Variants in SGCZ observed in about 807,000 individuals in gnomAD.
SGCZ encodes the protein zeta-sarcoglycan.
In SGCZ, 40 loss-of-function variants were observed where a neutral mutation model predicts 41.3. The ratio of observed to expected loss-of-function variants is 0.97; its 90% CI spans 0.75 to 1.26. The LOEUF (loss-of-function observed/expected upper bound fraction) is 1.26. Ranked by LOEUF, SGCZ falls within the 50% of genes most tolerant of loss-of-function variation. SGCZ has a pLI of 0.00. For synonymous variants in SGCZ, 206 were observed against 137.5 expected (o/e 1.50, Z -3.49); for missense variants, 552 against 369.8 (o/e 1.49, Z -4.04).
chr8:14,373,527 G>A (rs1360312080), intron 2 of SGCZ, among the ~76,000 whole-genome samples: 1 of 152,048 alleles, frequency 6.6e-6, no homozygotes, highest in African/African-American at 2.4e-5. Flanking sequence ...AAAATTATTA[G>A]GTTCAATCAG....
At chr8:14,954,986 G>A (rs1800749157) in intron 1 of SGCZ, among the ~76,000 whole-genome samples, 3 of 152,034 alleles carry the variant, frequency 2.0e-5, no homozygotes, top group Admixed American at 6.6e-5. Context: ...AATCAAATAA[G>A]ATATAGGACA....
At chr8:14,794,934 G>C (rs1801076354) in intron 1 of SGCZ, among the ~76,000 whole-genome samples, 1 of 152,156 alleles carries the variant, frequency 6.6e-6, no homozygotes, top group Non-Finnish European at 1.5e-5. Context: ...AGTATGTCCA[G>C]ATAAATTATC....
rs1441943 is a variant in SGCZ, at chr8:14,756,925, T to C, written c.40-201999A>G. Among the ~76,000 whole-genome samples the C allele has an allele frequency of 5.0e-3, 766 of 152,344 alleles. 12 individuals carry two copies. Among genetic ancestry groups the C allele is most frequent in the African/African-American group, 0.017 (711 of 41,566 alleles). On this transcript the variant is annotated intron_variant, in intron 1 of 7. Coordinates refer to ENST00000382080, the MANE Select transcript of SGCZ (RefSeq NM_139167.4). ...GAAATGAAAGAACAAATGGTGCTAT[T>C]ATAATCTTGTAAAAACGGCAGAATA...
chr8:14,407,307 G>A (rs1222103086), intron 2 of SGCZ, among the ~76,000 whole-genome samples: 1 of 151,884 alleles, frequency 6.6e-6, no homozygotes, highest in African/African-American at 2.4e-5. Flanking sequence ...GACCTCAAGC[G>A]ATCCAAGGTT....
intron 1 of SGCZ, among the ~76,000 whole-genome samples, chr8:14,969,500 C>T (rs1801225268): frequency 6.6e-6 from 1 of 151,982 alleles, no homozygotes; most frequent in South Asian, 2.1e-4. Context: ...TTCTCTTTTT[C>T]CTTCTTAACT....
chr8:14,657,989 T>C (rs1807629079), intron 1 of SGCZ, among the ~76,000 whole-genome samples: 1 of 152,156 alleles, frequency 6.6e-6, no homozygotes, highest in Non-Finnish European at 1.5e-5. Flanking sequence ...CCCTGAAGAA[T>C]GTATAATCTA....
chr8:14,583,322 T>G (rs1804955670), intron 1 of SGCZ, among the ~76,000 whole-genome samples: 1 of 152,148 alleles, frequency 6.6e-6, no homozygotes, highest in African/African-American at 2.4e-5. Context: ...GAGAAGTGTC[T>G]GTTCATGTCC....
intron 5 of SGCZ, among the ~76,000 whole-genome samples, chr8:14,136,173 G>A (rs140138867): frequency 1.7e-4 from 26 of 152,054 alleles, no homozygotes; most frequent in African/African-American, 6.0e-4. Flanking sequence ...AGAATCAACT[G>A]GATGATGGTT....
At chr8:14,867,406 T>A (rs890731839) in intron 1 of SGCZ, among the ~76,000 whole-genome samples, 2 of 152,160 alleles carry the variant, frequency 1.3e-5, no homozygotes, top group African/African-American at 4.8e-5. Flanking sequence ...AGTACTGCAA[T>A]AAAGATACAC....
chr8:14,548,080 G>A (rs1375823427), intron 2 of SGCZ, among the ~76,000 whole-genome samples: 3 of 152,044 alleles, frequency 2.0e-5, no homozygotes, highest in African/African-American at 7.2e-5. Context: ...AGGTACTTCT[G>A]GAACACTTTT....
chr8:14,937,323 A>G (rs1800115760), intron 1 of SGCZ, among the ~76,000 whole-genome samples: 1 of 152,074 alleles, frequency 6.6e-6, no homozygotes, highest in African/African-American at 2.4e-5. Context: ...ACCAACATCA[A>G]ATAGTGAATA....
intron 1 of SGCZ, among the ~76,000 whole-genome samples, chr8:14,704,025 G>T (rs188361797): frequency 1.3e-5 from 2 of 152,058 alleles, no homozygotes; most frequent in East Asian, 3.9e-4. Flanking sequence ...TGAGAAATTA[G>T]CCCACATAGC....
chr8:14,660,646 T>C (rs937168762), intron 1 of SGCZ, among the ~76,000 whole-genome samples: 4 of 149,154 alleles, frequency 2.7e-5, no homozygotes, highest in African/African-American at 1.0e-4. Flanking sequence ...TCAGGAAAGG[T>C]CTCTGAGGAA....
chr8:14,440,820 CATAT>C (rs148560665), intron 2 of SGCZ, among the ~76,000 whole-genome samples: 3,706 of 135,060 alleles, frequency 0.027, 270 homozygotes, highest in African/African-American at 0.11. Flanking sequence ...TATACACATG[CATAT>C]ATACATACAT....
chr8:14,519,067 TAAA>T (rs58653228), intron 2 of SGCZ, among the ~76,000 whole-genome samples: 4 of 113,586 alleles, frequency 3.5e-5, no homozygotes, highest in Admixed American at 9.3e-5. Flanking sequence ...AGACTCTGTC[TAAA>T]AAAAAAAAAA....
chr8:15,216,306 G>A (rs1244016360), intron 1 of SGCZ, among the ~76,000 whole-genome samples: 1 of 139,130 alleles, frequency 7.2e-6, no homozygotes, highest in Non-Finnish European at 1.5e-5. Flanking sequence ...GGCAAGCTCC[G>A]CCTCCTGGGT....
At chr8:14,316,526 A>T (rs1028541416) in intron 3 of SGCZ, among the ~76,000 whole-genome samples, 5 of 152,030 alleles carry the variant, frequency 3.3e-5, no homozygotes, top group African/African-American at 1.2e-4. Context: ...TAATCGAGTT[A>T]ATAGAAGGAA....
chr8:14,504,093 T>C (rs1428275211), intron 2 of SGCZ, among the ~76,000 whole-genome samples: 1 of 152,178 alleles, frequency 6.6e-6, no homozygotes, highest in Non-Finnish European at 1.5e-5. Context: ...TTTTTCTTTT[T>C]TGTCTCAATT....
intron 5 of SGCZ, among the ~76,000 whole-genome samples, chr8:14,133,536 C>T (rs1475574666): frequency 6.6e-6 from 1 of 152,098 alleles, no homozygotes; most frequent in Non-Finnish European, 1.5e-5. Flanking sequence ...GAACCAGGGG[C>T]CAGGACTCTG....
Sources: allele counts gnomAD v4.1 joint callset (sites outside exome capture counted in the v4.1 genomes callset), GRCh38; gene constraint gnomAD v4.1.1; transcripts MANE v1.5; gene names NCBI Gene and HGNC (gene_info 2026-07-23, HGNC 2026-07-21).